Variants in MAP3K3 observed in about 807,000 individuals in gnomAD.
MAP3K3 encodes the protein mitogen-activated protein kinase kinase kinase 3, also known as MAP/ERK kinase kinase 3.
Under a neutral mutation model 80.9 loss-of-function variants are expected in MAP3K3, and 12 were observed. The observed-to-expected ratio is 0.15, with a 90% confidence interval of 0.10 to 0.24. The LOEUF (loss-of-function observed/expected upper bound fraction) is 0.24. Ranked by LOEUF, MAP3K3 falls within the 10% of genes least tolerant of loss-of-function variation. MAP3K3 has a pLI of 1.00. For synonymous variants in MAP3K3, 272 were observed against 307.1 expected (o/e 0.89, Z 1.19); for missense variants, 596 against 834.7 (o/e 0.71, Z 3.52).
intron 7 of MAP3K3, among the ~76,000 whole-genome samples, chr17:63,683,198 T>C (rs975923753): frequency 6.6e-6 from 1 of 152,226 alleles, no homozygotes; most frequent in Non-Finnish European, 1.5e-5. Context: ...TCTTGTAACT[T>C]TTCTTTCATT....
chr17:63,644,022 T>G (rs1046365514), intron 2 of MAP3K3, among the ~76,000 whole-genome samples: 1 of 152,222 alleles, frequency 6.6e-6, no homozygotes, highest in Non-Finnish European at 1.5e-5. Context: ...TTAATCTTAT[T>G]GTAACTCAGT....
In MAP3K3 at chr17:63,684,997, G is replaced by A. The variant is rs534884769; in HGVS notation, c.637-520G>A. Among the ~76,000 whole-genome samples the A allele has an allele frequency of 5.3e-5, 8 of 152,264 alleles. No individual in the cohort carries two copies. The South Asian group carries it at 1.5e-3, about 28-fold the overall frequency. On this transcript the variant is annotated intron_variant, in intron 7 of 15. Coordinates refer to ENST00000361733, the MANE Select transcript of MAP3K3 (RefSeq NM_002401.5). The stretch of plus-strand genomic sequence containing the variant: ...TTTAGATATCTATTACCTCTGCATT[G>A]GACCAGGAACTGGGACATTTTTGTT...
intron 3 of MAP3K3, among the ~76,000 whole-genome samples, chr17:63,647,099 C>T (rs2143300994): frequency 6.6e-6 from 1 of 152,280 alleles, no homozygotes; most frequent in African/African-American, 2.4e-5. Flanking sequence ...GCCTACTTTG[C>T]AGCTGGCTCC....
At chr17:63,639,770 A>G (rs985553136) in intron 2 of MAP3K3, among the ~76,000 whole-genome samples, 1 of 152,202 alleles carries the variant, frequency 6.6e-6, no homozygotes, top group Non-Finnish European at 1.5e-5. Flanking sequence ...ATTTTTAAGC[A>G]TGACTCTGGA....
chr17:63,637,544 A>G (rs1320942969), intron 2 of MAP3K3, among the ~76,000 whole-genome samples: 1 of 152,244 alleles, frequency 6.6e-6, no homozygotes, highest in Non-Finnish European at 1.5e-5. Flanking sequence ...TTGTAAAACA[A>G]ATGTACAAAT....
chr17:63,692,425 C>T lies in MAP3K3; in HGVS notation c.1652+6C>T. On this transcript the variant is annotated splice_donor_region_variant and intron_variant, in intron 15 of 15. Transcript: ENST00000361733. The surrounding 1 kb of genome is among the most constrained non-coding windows in gnomAD (Gnocchi z 4.5). ...GGAAGGAAAGCAGACGTGTGGTGAG[C>T]ACTGGGACATGCAGAACCCATTCTT... 1.3e-6 allele frequency: 2 copies of T among 1,597,424 alleles called. No individual in the cohort carries two copies. Among genetic ancestry groups the T allele is most frequent in the Non-Finnish European group, 8.5e-7 (1 of 1,170,062 alleles).
rs1351248017 is a variant in MAP3K3, at chr17:63,666,919, CT to C, written c.382-16del. On this transcript the variant is annotated intron_variant, in intron 5 of 15. Coordinates refer to ENST00000361733, the MANE Select transcript of MAP3K3 (RefSeq NM_002401.5). ...TGACTGTGTAAAGATGTAGCTTGGC[CT>C]TTTTCCTCTTCTTTTACAGAACAGT... 2 of 1,611,956 alleles carry C rather than the reference CT, an allele frequency of 1.2e-6. No individual in the cohort carries two copies. Among genetic ancestry groups the C allele is most frequent in the Admixed American group, 3.4e-5 (2 of 59,466 alleles).
At chr17:63,626,694 T>G in intron 1 of MAP3K3, among the ~76,000 whole-genome samples, 1 of 152,214 alleles carries the variant, frequency 6.6e-6, no homozygotes, top group Non-Finnish European at 1.5e-5. Context: ...TGCCTGGGCA[T>G]GGACAGGGTG....
In MAP3K3 at chr17:63,681,904, G is replaced by GTA; in HGVS notation, c.636+8_636+9dup. 1 of 1,412,202 alleles carries GTA rather than the reference G, an allele frequency of 7.1e-7. No homozygotes were observed. Among genetic ancestry groups the GTA allele is most frequent in the Non-Finnish European group, 9.4e-7 (1 of 1,069,516 alleles). 87.5% of individuals were successfully genotyped at this position (1,412,202 alleles called of 1,614,324 possible). A position where few individuals can be genotyped will look rare whatever the true frequency, so the allele number is the denominator to read the frequency against. On this transcript the variant is annotated splice_donor_region_variant and intron_variant, in intron 7 of 15. Transcript: ENST00000361733. ...CCAGAGACCAGCGAGCAGTGCGTGA[G>GTA]TATAGGGGGGCTGGGATATGCCTGT...
chr17:63,675,276 T>C (rs2035194631), intron 6 of MAP3K3, among the ~76,000 whole-genome samples: 1 of 152,200 alleles, frequency 6.6e-6, no homozygotes, highest in Non-Finnish European at 1.5e-5. Context: ...AAAAAAAGTT[T>C]GATTTCTCTC....
At chr17:63,624,675 GGAACAT>G (rs2034065337) in intron 1 of MAP3K3, among the ~76,000 whole-genome samples, 1 of 152,188 alleles carries the variant, frequency 6.6e-6, no homozygotes, top group South Asian at 2.1e-4. Flanking sequence ...ACATGTAAAA[GGAACAT>G]GCAAGAGGAA....
chr17:63,625,573 A>G (rs979301742), intron 1 of MAP3K3, among the ~76,000 whole-genome samples: 6 of 152,342 alleles, frequency 3.9e-5, no homozygotes, highest in Non-Finnish European at 5.9e-5. Flanking sequence ...TGTGACTTAC[A>G]GACACCTTGT....
intron 3 of MAP3K3, among the ~76,000 whole-genome samples, chr17:63,651,913 C>T (rs371515350): frequency 2.5e-4 from 38 of 152,192 alleles, no homozygotes; most frequent in African/African-American, 7.9e-4. Context: ...CAAAGATGAA[C>T]GATGGAAAAG....
chr17:63,691,751 T>C lies in MAP3K3; in HGVS notation c.1363T>C (p.Leu455=), dbSNP rs755857805. 1.1e-5 allele frequency: 17 copies of C among 1,613,880 alleles called. No individual in the cohort carries two copies. In the East Asian group the frequency reaches 2.0e-4, roughly 19 times the overall value. Residue 455 remains leucine (L), a synonymous_variant, in exon 14 of 16, where the codon TTG becomes CTG. Coordinates refer to ENST00000361733, the MANE Select transcript of MAP3K3 (RefSeq NM_002401.5). This position sits in a 1 kb window ranked among gnomAD's most constrained non-coding sequence, Gnocchi z 4.8. ...YMPGGSVKDQ[L]KAYGALTESV... Reference sequence around the variant, plus strand: ...CCTCCAGGGCTCGGTGAAAGACCAGTTGAAGGCTTACGGTGCTCTGACAGA... The same window carrying C: ...CCTCCAGGGCTCGGTGAAAGACCAGCTGAAGGCTTACGGTGCTCTGACAGA...
intron 2 of MAP3K3, among the ~76,000 whole-genome samples, chr17:63,643,024 T>C (rs1231094060): frequency 6.6e-6 from 1 of 151,472 alleles, no homozygotes; most frequent in Non-Finnish European, 1.5e-5. Context: ...TCCCAAAGTG[T>C]TGGGGTTAGA....
At chr17:63,687,690 A>C (rs1166806160) in intron 8 of MAP3K3, among the ~76,000 whole-genome samples, 3 of 142,678 alleles carry the variant, frequency 2.1e-5, no homozygotes, top group African/African-American at 5.1e-5. Context: ...ACTCCATCTT[A>C]AAAAAAAAAA....
At chr17:63,661,017 A>G (rs1449137855) in intron 5 of MAP3K3, among the ~76,000 whole-genome samples, 1 of 152,154 alleles carries the variant, frequency 6.6e-6, no homozygotes, top group African/African-American at 2.4e-5. Flanking sequence ...AGAGGCCTCA[A>G]TATTATTCTT....
rs1309633924 is a variant in MAP3K3 at position 63,694,357 on chromosome 17, A to G, written c.*580A>G. On this transcript the variant is annotated 3_prime_UTR_variant, in exon 16 of 16. Transcript: ENST00000361733. ...CCTTTACCAAAGATGAATGAAGCAA[A>G]TGTCATGCTGCCTTATTCAGGGAAG... 2.0e-5 allele frequency: 3 copies of G among 152,594 alleles called. No homozygotes were observed. Among genetic ancestry groups the G allele is most frequent in the South Asian group, 2.1e-4 (1 of 4,836 alleles). 9.5% of individuals were successfully genotyped at this position (152,594 alleles called of 1,614,324 possible). A position where few individuals can be genotyped will look rare whatever the true frequency, so the allele number is the denominator to read the frequency against.
intron 3 of MAP3K3, among the ~76,000 whole-genome samples, chr17:63,646,734 A>C (rs779102571): frequency 3.3e-5 from 5 of 152,216 alleles, no homozygotes; most frequent in Non-Finnish European, 5.9e-5. Flanking sequence ...AAGCCAAGGT[A>C]GAAGTTCTCA....
Sources: gnomAD v4.1 joint callset for allele counts (sites outside exome capture counted in the v4.1 genomes callset) on GRCh38, gnomAD v4.1.1 for gene constraint, Gnocchi (gnomAD v3.1) non-coding constraint, MANE v1.5 for transcripts, NCBI Gene and HGNC (gene_info 2026-07-23, HGNC 2026-07-21) for gene names.